ACTR3C: variants seen among roughly 807,000 people sequenced by gnomAD.
ACTR3C encodes actin-related protein 3C.
ACTR3C carries 18 observed loss-of-function variants against 26.3 expected under a neutral mutation model. That is an observed-to-expected ratio of 0.68 (90% CI 0.47 to 1.01). ACTR3C has a LOEUF of 1.01. ACTR3C is among the 50% of genes least tolerant of loss of function. The probability of loss-of-function intolerance (pLI) is 0.00; values close to 1 mark genes in which losing one functional copy is unlikely to be tolerated. For missense variants in ACTR3C, 184 were observed against 250.7 expected, an observed-to-expected ratio of 0.73 and a Z score of 1.80; for synonymous variants, 55 against 94.5, an observed-to-expected ratio of 0.58 and a Z score of 2.42.
chr7:150,137,498 T>C, the ACTR3C span, among the ~76,000 whole-genome samples: 1 of 152,224 alleles, frequency 6.6e-6, no homozygotes, highest in African/African-American at 2.4e-5. Flanking sequence ...GTTCTTTCTT[T>C]TCACCTCTTC....
chr7:150,034,362 G>A, the ACTR3C span, among the ~76,000 whole-genome samples: 1 of 151,684 alleles, frequency 6.6e-6, no homozygotes, highest in African/African-American at 2.4e-5. Flanking sequence ...CGCATACAAT[G>A]GAAAAGGCTT....
the ACTR3C span, among the ~76,000 whole-genome samples, chr7:149,957,939 G>A: frequency 2.6e-5 from 4 of 152,126 alleles, no homozygotes; most frequent in Admixed American, 2.6e-4. Context: ...TCCACTGTGT[G>A]ACAGGAGGTA....
the ACTR3C span, among the ~76,000 whole-genome samples, chr7:150,192,974 G>T: frequency 1.3e-5 from 2 of 152,100 alleles, no homozygotes. Flanking sequence ...CCTCTGTATT[G>T]TACCTTCCGG....
the ACTR3C span, among the ~76,000 whole-genome samples, chr7:149,896,034 CAAAAAAA>C: frequency 4.8e-5 from 4 of 83,064 alleles, no homozygotes; most frequent in South Asian, 5.2e-4. Flanking sequence ...CCTGTCTCTA[CAAAAAAA>C]AAAAAAAAAA....
At chr7:150,277,688 G>A (rs1336328061) in intron 6 of ACTR3C, among the ~76,000 whole-genome samples, 3 of 151,868 alleles carry the variant, frequency 2.0e-5, no homozygotes, top group Admixed American at 2.0e-4. Context: ...CAAGAACCCT[G>A]AACCTTTTCC....
chr7:150,258,293 C>G (rs1436524218), intron 6 of ACTR3C, among the ~76,000 whole-genome samples: 1 of 149,796 alleles, frequency 6.7e-6, no homozygotes, highest in African/African-American at 2.5e-5. Context: ...CGCCCTCAAT[C>G]TTCCTCAAAG....
chr7:150,036,921 T>G, the ACTR3C span, among the ~76,000 whole-genome samples: 79 of 89,414 alleles, frequency 8.8e-4, no homozygotes, highest in African/African-American at 3.3e-3. Context: ...CTCCCCCCTC[T>G]GCGATGGGGG....
intron 6 of ACTR3C, among the ~76,000 whole-genome samples, chr7:150,273,707 C>G (rs958263692): frequency 6.6e-6 from 1 of 151,386 alleles, no homozygotes; most frequent in African/African-American, 2.4e-5. Flanking sequence ...AAAGTCAAAC[C>G]CCCCAGACAG....
chr7:150,180,137 C>G, the ACTR3C span, among the ~76,000 whole-genome samples: 1 of 150,158 alleles, frequency 6.7e-6, no homozygotes, highest in Non-Finnish European at 1.5e-5. Flanking sequence ...AACCCCATCT[C>G]TACTAAAAAT....
At chr7:149,928,593 A>G in the ACTR3C span, among the ~76,000 whole-genome samples, 37 of 151,944 alleles carry the variant, frequency 2.4e-4, no homozygotes, top group South Asian at 7.7e-3. Flanking sequence ...TGTAATCCCA[A>G]CACCTTGGGA....
At chr7:150,294,164 A>G (rs10239390) in intron 2 of ACTR3C, among the ~76,000 whole-genome samples, 33,092 of 151,766 alleles carry the variant, frequency 0.22, 5,531 homozygotes, top group African/African-American at 0.46. Context: ...TTTTTCAACC[A>G]AAGAAAATGT....
the ACTR3C span, among the ~76,000 whole-genome samples, chr7:150,153,367 CATT>C: frequency 6.8e-6 from 1 of 147,446 alleles, no homozygotes; most frequent in Non-Finnish European, 1.5e-5. Flanking sequence ...AACTCAAACA[CATT>C]TACAAGAAAA....
chr7:149,936,800 T>C, the ACTR3C span, among the ~76,000 whole-genome samples: 2 of 152,160 alleles, frequency 1.3e-5, 1 homozygote, highest in South Asian at 4.1e-4. Flanking sequence ...TTTTTATTTT[T>C]ATTTTTGAGA....
At chr7:150,016,894 C>T in the ACTR3C span, among the ~76,000 whole-genome samples, 1 of 152,136 alleles carries the variant, frequency 6.6e-6, no homozygotes, top group Non-Finnish European at 1.5e-5. Flanking sequence ...GTGAGTTAAA[C>T]ATTCTTACAT....
intron 4 of ACTR3C, among the ~76,000 whole-genome samples, chr7:150,287,571 C>T (rs183165904): frequency 3.9e-5 from 6 of 152,304 alleles, no homozygotes; most frequent in African/African-American, 7.2e-5. Context: ...CGAGGTGGGC[C>T]GCCCAGCTGG....
intron 6 of ACTR3C, among the ~76,000 whole-genome samples, chr7:150,250,342 C>T (rs1201564937): frequency 2.0e-5 from 3 of 150,674 alleles, no homozygotes; most frequent in Admixed American, 6.6e-5. Context: ...TAGCTGGGAC[C>T]ACAGGCGCCC....
the ACTR3C span, among the ~76,000 whole-genome samples, chr7:150,204,948 G>A: frequency 6.6e-6 from 1 of 152,236 alleles, no homozygotes; most frequent in Non-Finnish European, 1.5e-5. Context: ...AGGGCCTCCT[G>A]TCTTCCCTTC....
the ACTR3C span, among the ~76,000 whole-genome samples, chr7:149,969,730 G>A: frequency 6.6e-6 from 1 of 152,160 alleles, no homozygotes; most frequent in Non-Finnish European, 1.5e-5. Flanking sequence ...TGCTTAAAAT[G>A]ACATAACTTA....
chr7:150,256,920 T>A (rs1313535330), intron 6 of ACTR3C, among the ~76,000 whole-genome samples: 9 of 152,200 alleles, frequency 5.9e-5, no homozygotes. Context: ...AATTATATCC[T>A]AATATATTAA....
Sources: gnomAD v4.1 joint callset for allele counts (sites outside exome capture counted in the v4.1 genomes callset) on GRCh38, gnomAD v4.1.1 for gene constraint, MANE v1.5 for transcripts, NCBI Gene and HGNC (gene_info 2026-07-23, HGNC 2026-07-21) for gene names.